Variants in GDA observed in about 807,000 individuals in gnomAD.
GDA encodes the protein guanine deaminase, also known as cytoplasmic PSD-95 interactor.
In GDA, 18 loss-of-function variants were observed where a neutral mutation model predicts 59.6. The observed-to-expected ratio is 0.30, with a 90% CI of 0.21 to 0.45. GDA has a LOEUF of 0.45. Among genes scored for constraint, GDA ranks in the 20% least tolerant of loss-of-function variants. The probability of loss-of-function intolerance (pLI) is 1.00; values close to 1 mark genes in which losing one functional copy is unlikely to be tolerated. For missense variants in GDA, 427 were observed against 552.3 expected, an observed-to-expected ratio of 0.77 and a Z score of 2.27; for synonymous variants, 201 against 201.1, an observed-to-expected ratio of 1.00 and a Z score of 0.00.
intron 1 of GDA, among the ~76,000 whole-genome samples, chr9:72,123,573 C>T (rs1248494505): frequency 1.3e-5 from 2 of 149,978 alleles, no homozygotes; most frequent in African/African-American, 2.5e-5. Context: ...CTGCAGCCTC[C>T]ATCTCCCGGG....
At chr9:72,200,242 C>T (rs372525655) in intron 2 of GDA, among the ~76,000 whole-genome samples, 2 of 151,972 alleles carry the variant, frequency 1.3e-5, no homozygotes, top group East Asian at 1.9e-4. Context: ...GTGATCTGCC[C>T]GCCTTGGCCT....
At chr9:72,239,497 A>G (rs1005113234) in intron 10 of GDA, among the ~76,000 whole-genome samples, 2 of 152,110 alleles carry the variant, frequency 1.3e-5, no homozygotes, top group Non-Finnish European at 2.9e-5. Context: ...TCCCAACTGC[A>G]TTGCTTTCAT....
At chr9:72,253,053 T>G (rs1840794754), downstream of GDA, among the ~76,000 whole-genome samples, 1 of 152,192 alleles carries the variant, frequency 6.6e-6, no homozygotes, top group Admixed American at 6.5e-5. Context: ...GGATCCTCCT[T>G]TACACAGAAA....
At position 72,168,426 on chromosome 9, in the gene GDA, G is replaced by C. The variant is rs866102457; in HGVS notation, c.123+18744G>C. Among the ~76,000 whole-genome samples the C allele has an allele frequency of 3.9e-5, 5 of 127,506 alleles. No individual in the cohort carries two copies. In the Admixed American group the frequency reaches 5.0e-4, roughly 13 times the overall value. The allele number at this position is 127,506 out of a possible 152,430, so 83.6% of individuals were successfully genotyped here. ...TTTTTTTTTTTTGAGATAGAGTCTC[G>C]CTCTCTTGCTGAGGCTGGAGTGCAG... On this transcript the variant is annotated intron_variant, in intron 1 of 13. Coordinates refer to ENST00000358399, the MANE Select transcript of GDA (RefSeq NM_004293.5).
At chr9:72,213,695 C>G (rs964544870) in intron 4 of GDA, among the ~76,000 whole-genome samples, 191 bp from the exon 5 acceptor site, 1 of 149,686 alleles carries the variant, frequency 6.7e-6, no homozygotes, top group Non-Finnish European at 1.5e-5. Flanking sequence ...CCCAGCTACT[C>G]GGGAGGCTGA....
intron 6 of GDA, among the ~76,000 whole-genome samples, chr9:72,220,270 T>C (rs572363651): frequency 2.6e-5 from 4 of 152,310 alleles, no homozygotes; most frequent in Admixed American, 2.6e-4. Context: ...ATTTTTTGCT[T>C]TCTTGGGGGC....
rs1203249373 is a variant in GDA at position 72,249,977 on chromosome 9, A to G, written c.*1635A>G. The G allele has an allele frequency of 1.0e-6, 1 of 959,752 alleles. No individual in the cohort carries two copies. The highest frequency in any genetic ancestry group is 1.8e-5 in the African/African-American group (1 of 56,742). 59.5% of individuals were successfully genotyped at this position (959,752 alleles called of 1,614,324 possible). A position where few individuals can be genotyped will look rare whatever the true frequency, so the allele number is the denominator to read the frequency against. On this transcript the variant is annotated 3_prime_UTR_variant, in exon 14 of 14. Coordinates refer to ENST00000358399, the MANE Select transcript of GDA (RefSeq NM_004293.5). ...TATACATGACACCTAAAGAGGGAAC[A>G]AAAGTTAGTTTTATTTTTTTAATAA...
At chr9:72,217,727 A>G (rs1836315117) in intron 5 of GDA, among the ~76,000 whole-genome samples, 1 of 152,134 alleles carries the variant, frequency 6.6e-6, no homozygotes, top group Non-Finnish European at 1.5e-5. Flanking sequence ...TGCTCATTAA[A>G]TTACTTTTGG....
chr9:72,155,221 T>A (rs1827748939), intron 1 of GDA, among the ~76,000 whole-genome samples: 2 of 152,204 alleles, frequency 1.3e-5, no homozygotes, highest in South Asian at 4.2e-4. Context: ...ACTTCTTACA[T>A]GGCGGCAGCA....
intron 1 of GDA, among the ~76,000 whole-genome samples, chr9:72,154,288 G>C (rs1190513528): frequency 6.6e-6 from 1 of 152,122 alleles, no homozygotes; most frequent in Non-Finnish European, 1.5e-5. Context: ...CTGAGCCTCC[G>C]TTTCCTCATT....
At chr9:72,147,298 C>T (rs1197479960), upstream of GDA, among the ~76,000 whole-genome samples, 1 of 152,202 alleles carries the variant, frequency 6.6e-6, no homozygotes, top group Non-Finnish European at 1.5e-5. Flanking sequence ...ACCTCCGCCT[C>T]CGGGGTTCAA....
downstream of GDA, among the ~76,000 whole-genome samples, chr9:72,254,207 T>C (rs1840836375): frequency 6.6e-6 from 1 of 152,220 alleles, no homozygotes; most frequent in Admixed American, 6.5e-5. Flanking sequence ...AATTCAGACT[T>C]ATCACTTTTA....
At chr9:72,164,051 C>A (rs1828984730) in intron 1 of GDA, among the ~76,000 whole-genome samples, 1 of 152,108 alleles carries the variant, frequency 6.6e-6, no homozygotes, top group Non-Finnish European at 1.5e-5. Context: ...GAGGGTGGAT[C>A]CAGAGGTCTG....
At chr9:72,246,253 C>G (rs1261555327) in intron 12 of GDA, among the ~76,000 whole-genome samples, 1 of 152,100 alleles carries the variant, frequency 6.6e-6, no homozygotes, top group African/African-American at 2.4e-5. Context: ...GTTCAAGCAG[C>G]TCTCCTGTCT....
At chr9:72,188,900 A>C (rs1439819926) in intron 1 of GDA, among the ~76,000 whole-genome samples, 2 of 152,164 alleles carry the variant, frequency 1.3e-5, no homozygotes, top group Non-Finnish European at 2.9e-5. Context: ...CAGGATGCAG[A>C]AAATGGAGTC....
chr9:72,121,687 C>T (rs1019968478), intron 1 of GDA, among the ~76,000 whole-genome samples: 2 of 152,198 alleles, frequency 1.3e-5, no homozygotes, highest in African/African-American at 4.8e-5. Flanking sequence ...CAATCATTAT[C>T]TCTCTGCCTC....
At chr9:72,153,188 C>T (rs1564167120) in intron 1 of GDA, among the ~76,000 whole-genome samples, 1 of 151,980 alleles carries the variant, frequency 6.6e-6, no homozygotes, top group Non-Finnish European at 1.5e-5. Context: ...GTTTTGGTTA[C>T]TGTAGCCTTG....
intron 1 of GDA, among the ~76,000 whole-genome samples, chr9:72,167,313 C>T (rs531739234): frequency 6.6e-6 from 1 of 152,204 alleles, no homozygotes; most frequent in Non-Finnish European, 1.5e-5. Context: ...TCATTTTAGT[C>T]CATCAGGGAG....
chr9:72,188,927 A>G (rs190012714), intron 1 of GDA, among the ~76,000 whole-genome samples: 49 of 148,260 alleles, frequency 3.3e-4, no homozygotes, highest in African/African-American at 1.2e-3. Flanking sequence ...TATTCTCTAA[A>G]TTGAGGGCTT....
Sources: allele counts gnomAD v4.1 joint callset (sites outside exome capture counted in the v4.1 genomes callset), GRCh38; gene constraint gnomAD v4.1.1; transcripts MANE v1.5; gene names NCBI Gene and HGNC (gene_info 2026-07-23, HGNC 2026-07-21).